The following TRIM55 variants were observed in gnomAD, a reference collection of about 807,000 sequenced individuals.
The protein encoded by TRIM55 is tripartite motif-containing protein 55.
Under a neutral mutation model 60.9 loss-of-function variants are expected in TRIM55, and 50 were observed. The observed-to-expected ratio is 0.82, with a 90% CI of 0.65 to 1.04. TRIM55 has a LOEUF of 1.04. Ranked by LOEUF, TRIM55 falls within the 50% of genes least tolerant of loss-of-function variation. TRIM55 has a pLI of 0.00. For synonymous variants in TRIM55, 237 were observed against 238.1 expected, an observed-to-expected ratio of 1.00 and a Z score of 0.04; for missense variants, 681 against 666.9, an observed-to-expected ratio of 1.02 and a Z score of -0.23.
In TRIM55 at chr8:66,135,157, T is replaced by C. The variant is rs774210660; in HGVS notation, c.507+2T>C. The C allele has an allele frequency of 1.2e-6, 2 of 1,613,900 alleles. No individual in the cohort carries two copies. Among genetic ancestry groups the C allele is most frequent in the East Asian group, 4.5e-5 (2 of 44,854 alleles). ...ACTCATGTGTTCCAGAGACAGAAGG[T>C]AACAGAGCTGCTCCCTCCCTCCCGC... On this transcript the variant is annotated splice_donor_variant, in intron 3 of 9. Transcript: ENST00000315962. LOFTEE classifies it high-confidence loss of function.
chr8:66,156,086 A>T (rs1810724436), intron 9 of TRIM55, among the ~76,000 whole-genome samples: 1 of 152,064 alleles, frequency 6.6e-6, no homozygotes, highest in African/African-American at 2.4e-5. Flanking sequence ...GCGGCAAAGG[A>T]CTCCTGCAGG....
chr8:66,124,770 T>C (rs1249232440), upstream of TRIM55, among the ~76,000 whole-genome samples: 1 of 152,236 alleles, frequency 6.6e-6, no homozygotes, highest in Admixed American at 6.5e-5. Flanking sequence ...ATTTGCACAC[T>C]GGGAAATTCC....
At chr8:66,117,317 A>G in the TRIM55 span, among the ~76,000 whole-genome samples, 4 of 152,238 alleles carry the variant, frequency 2.6e-5, no homozygotes, top group African/African-American at 9.6e-5. Flanking sequence ...TCCACATAGG[A>G]AAGGAAGAGG....
chr8:66,128,908 A>G (rs750366302), intron 2 of TRIM55, among the ~76,000 whole-genome samples: 7 of 152,242 alleles, frequency 4.6e-5, no homozygotes, highest in Admixed American at 2.0e-4. Context: ...GAAGTAGCCC[A>G]GTTCCTAGTT....
rs188556017 is a variant in TRIM55, at chr8:66,152,410, A to T, written c.1019A>T (p.Glu340Val). The T allele has an allele frequency of 3.7e-6, 6 of 1,608,660 alleles. No homozygotes were observed. Among genetic ancestry groups the T allele is most frequent in the South Asian group, 3.3e-5 (3 of 90,544 alleles). ...DEDEEEEEGGEGEKEGEGEVG... is the reference protein window; with the variant it reads ...DEDEEEEEGGVGEKEGEGEVG... ...GATGAAGAAGAAGAAGAAGGCGGAG[A>T]AGGAGAAAAAGAAGGAGAAGGAGAA... Residue 340 changes from glutamate (E) to valine (V), a missense_variant, in exon 8 of 10, where the codon GAA (glutamate) becomes GTA (valine). By Grantham distance (121) the Glu-to-Val change is moderately radical. Transcript: ENST00000315962.
intron 4 of TRIM55, among the ~76,000 whole-genome samples, chr8:66,146,535 G>A (rs954593659): frequency 6.6e-6 from 1 of 152,130 alleles, no homozygotes; most frequent in Non-Finnish European, 1.5e-5. Context: ...GTGAATCAAA[G>A]ACTTTCTACC....
intron 7 of TRIM55, among the ~76,000 whole-genome samples, chr8:66,150,793 A>T (rs1810378383): frequency 1.3e-5 from 2 of 151,894 alleles, no homozygotes; most frequent in African/African-American, 4.8e-5. Context: ...CAGCCTCCTG[A>T]GTAGCTGGGA....
chr8:66,164,033 G>A (rs1175631168), intron 9 of TRIM55, among the ~76,000 whole-genome samples: 1 of 150,630 alleles, frequency 6.6e-6, no homozygotes, highest in Admixed American at 6.6e-5. Flanking sequence ...AGCAAAACTT[G>A]TCTACCTCTC....
the TRIM55 span, chr8:66,114,884 G>C: frequency 3.4e-6 from 1 of 295,530 alleles, no homozygotes. Context: ...AGAGACCAGC[G>C]CTGAGAGAGA....
At chr8:66,167,570 C>T (rs774469900) in intron 9 of TRIM55, among the ~76,000 whole-genome samples, 2 of 152,160 alleles carry the variant, frequency 1.3e-5, no homozygotes, top group South Asian at 2.1e-4. Flanking sequence ...TCCTCCTCCA[C>T]GTCAGGAAGA....
intron 8 of TRIM55, 142 bp downstream of exon 8, chr8:66,152,769 A>G (rs1406346891): frequency 1.7e-6 from 2 of 1,187,068 alleles, no homozygotes; most frequent in African/African-American, 3.1e-5. Flanking sequence ...AGATTTCAGG[A>G]CAGTCCTCAT....
intron 5 of TRIM55, 85 bp from the exon 6 acceptor site, chr8:66,150,132 C>G: frequency 2.0e-6 from 3 of 1,474,874 alleles, no homozygotes; most frequent in Admixed American, 2.0e-5. Flanking sequence ...ATGAGATTCT[C>G]AGAGTCAACA....
chr8:66,155,326 G>A (rs1401150556), intron 9 of TRIM55, among the ~76,000 whole-genome samples: 2 of 152,216 alleles, frequency 1.3e-5, no homozygotes, highest in Non-Finnish European at 2.9e-5. Context: ...CTTTGGGGTT[G>A]GATGTTTATT....
chr8:66,154,447 C>CA (rs1810629346), intron 9 of TRIM55, 113 bp downstream of exon 9: 1 of 1,151,332 alleles, frequency 8.7e-7, no homozygotes, highest in African/African-American at 1.6e-5. Flanking sequence ...AAACCTCAGC[C>CA]AGGGGAAAAG....
chr8:66,163,202 T>A (rs2128984748), intron 9 of TRIM55, among the ~76,000 whole-genome samples: 1 of 152,324 alleles, frequency 6.6e-6, no homozygotes, highest in African/African-American at 2.4e-5. Flanking sequence ...TCCACAATGT[T>A]CCATCTTTAA....
At chr8:66,152,132 G>A (rs1327981680) in intron 7 of TRIM55, among the ~76,000 whole-genome samples, 2 of 152,184 alleles carry the variant, frequency 1.3e-5, no homozygotes, top group African/African-American at 4.8e-5. Flanking sequence ...ATGCACAGCA[G>A]AGGTGAAGAC....
In TRIM55 at chr8:66,135,006, G is replaced by A. The variant is rs61744335; in HGVS notation, c.358G>A (p.Asp120Asn). The A allele has an allele frequency of 1.4e-5, 22 of 1,613,930 alleles. No individual in the cohort carries two copies. Among genetic ancestry groups the A allele is most frequent in the South Asian group, 6.6e-5 (6 of 91,032 alleles). ...QESTRPEKKS[D>N]QPMCEEHEEE... ...TCCTCCCAGGCCAGAAAAGAAATCC[G>A]ACCAGCCCATGTGCGAGGAACATGA... The change falls in exon 3 of 10, where the codon GAC becomes AAC. Residue 120 changes from aspartate to asparagine, a missense_variant. Coordinates refer to ENST00000315962, the MANE Select transcript of TRIM55 (RefSeq NM_184085.2).
At chr8:66,137,282 T>C (rs1434738026) in intron 4 of TRIM55, 92 bp downstream of exon 4, 3 of 876,864 alleles carry the variant, frequency 3.4e-6, no homozygotes, top group Non-Finnish European at 5.4e-6. Flanking sequence ...ATCCCTATTC[T>C]GACCTTTCAT....
At chr8:66,132,324 G>A (rs932031249) in intron 2 of TRIM55, among the ~76,000 whole-genome samples, 5 of 152,140 alleles carry the variant, frequency 3.3e-5, no homozygotes, top group Non-Finnish European at 7.4e-5. Context: ...GTGGTGGCAG[G>A]CACCTGTAAT....
Sources: gnomAD v4.1 joint callset for allele counts (sites outside exome capture counted in the v4.1 genomes callset) on GRCh38, gnomAD v4.1.1 for gene constraint, MANE v1.5 for transcripts, NCBI Gene and HGNC (gene_info 2026-07-23, HGNC 2026-07-21) for gene names.